CDH13: variants seen among roughly 807,000 people sequenced by gnomAD.
CDH13 encodes cadherin 13, also known as cadherin-13.
Under a neutral mutation model 63.8 loss-of-function variants are expected in CDH13, and 24 were observed. The ratio of observed to expected loss-of-function variants is 0.38; its 90% confidence interval spans 0.27 to 0.53. The LOEUF (loss-of-function observed/expected upper bound fraction) is 0.53. CDH13 is among the 20% of genes least tolerant of loss of function. The pLI is 0.85. For missense variants in CDH13, 1,049 were observed against 903.1 expected, an observed-to-expected ratio of 1.16 and a Z score of -2.07; for synonymous variants, 503 against 355.3, an observed-to-expected ratio of 1.42 and a Z score of -4.67.
chr16:82,900,469 C>T (rs758159680), intron 2 of CDH13, among the ~76,000 whole-genome samples: 2 of 152,138 alleles, frequency 1.3e-5, no homozygotes, highest in Admixed American at 6.5e-5. Context: ...TAAATTCTAT[C>T]AAAAAGCTCA....
At chr16:83,286,433 G>A (rs2089314712) in intron 5 of CDH13, among the ~76,000 whole-genome samples, 1 of 152,140 alleles carries the variant, frequency 6.6e-6, no homozygotes, top group Admixed American at 6.5e-5. Context: ...CTTTACAGAT[G>A]TACAAATTTG....
chr16:83,198,730 C>T (rs2038945760), intron 4 of CDH13, among the ~76,000 whole-genome samples: 3 of 152,138 alleles, frequency 2.0e-5, no homozygotes, highest in African/African-American at 7.2e-5. Flanking sequence ...TGTATGGGAA[C>T]AGGCTCAGAA....
At chr16:82,710,653 T>C (rs1364791640) in intron 1 of CDH13, among the ~76,000 whole-genome samples, 1 of 145,046 alleles carries the variant, frequency 6.9e-6, no homozygotes, top group East Asian at 2.0e-4. Context: ...ATAATCATTT[T>C]ATTTGATTTA....
intron 5 of CDH13, among the ~76,000 whole-genome samples, chr16:83,244,497 A>C (rs1904788625): frequency 6.6e-6 from 1 of 152,132 alleles, no homozygotes; most frequent in Non-Finnish European, 1.5e-5. Context: ...TACATTCTCT[A>C]AGTCTGTGCC....
intron 3 of CDH13, among the ~76,000 whole-genome samples, chr16:83,086,037 C>T (rs1343325891): frequency 6.6e-6 from 1 of 152,164 alleles, no homozygotes; most frequent in African/African-American, 2.4e-5. Context: ...GGTGTACTGG[C>T]TGCTCCAATT....
chr16:83,580,828 T>C (rs1412706528), intron 7 of CDH13, among the ~76,000 whole-genome samples: 4 of 152,122 alleles, frequency 2.6e-5, no homozygotes, highest in African/African-American at 9.7e-5. Context: ...TTACTTCTTT[T>C]ATTTGTTCTT....
At chr16:82,685,869 A>C (rs1317554102) in intron 1 of CDH13, among the ~76,000 whole-genome samples, 2 of 152,214 alleles carry the variant, frequency 1.3e-5, no homozygotes, top group Admixed American at 6.5e-5. Context: ...AAGCAGAGAC[A>C]GTCCTCTTTT....
intron 8 of CDH13, among the ~76,000 whole-genome samples, chr16:83,649,992 G>A (rs933794622): frequency 6.6e-6 from 1 of 152,176 alleles, no homozygotes; most frequent in African/African-American, 2.4e-5. Context: ...GTCTGAACAC[G>A]TTCTAATTGG....
At chr16:83,190,082 A>G (rs997397128) in intron 4 of CDH13, among the ~76,000 whole-genome samples, 1 of 152,304 alleles carries the variant, frequency 6.6e-6, no homozygotes, top group African/African-American at 2.4e-5. Flanking sequence ...AGTCTTGGGT[A>G]TGTCTTTATT....
At chr16:83,294,203 C>T (rs1417221915) in intron 5 of CDH13, among the ~76,000 whole-genome samples, 1 of 152,032 alleles carries the variant, frequency 6.6e-6, no homozygotes, top group African/African-American at 2.4e-5. Flanking sequence ...AGCTAATGAA[C>T]ATATGCATTA....
At chr16:82,851,977 C>T (rs368458001) in intron 1 of CDH13, among the ~76,000 whole-genome samples, 1 of 152,146 alleles carries the variant, frequency 6.6e-6, no homozygotes, top group African/African-American at 2.4e-5. Context: ...TCAACCAACA[C>T]TAATGACAAG....
chr16:83,660,100 T>C (rs1227930475), intron 8 of CDH13, among the ~76,000 whole-genome samples: 1 of 152,118 alleles, frequency 6.6e-6, no homozygotes, highest in African/African-American at 2.4e-5. Context: ...CCACAACCTT[T>C]TTGGCACCAG....
intron 7 of CDH13, among the ~76,000 whole-genome samples, chr16:83,577,888 T>A (rs1905199893): frequency 6.6e-6 from 1 of 152,220 alleles, no homozygotes; most frequent in South Asian, 2.1e-4. Flanking sequence ...ATAATTGCTG[T>A]TAATATCTTG....
In CDH13 at chr16:82,771,064, C is replaced by A. The variant is rs763460308; in HGVS notation, c.46-87298C>A. Among the ~76,000 whole-genome samples, 6 of 152,284 alleles carry A rather than the reference C, an allele frequency of 3.9e-5. No individual in the cohort carries two copies. In the East Asian group the frequency reaches 9.6e-4, roughly 24 times the overall value. ...ATATTTTTAAAAAATTAAGTTGTGA[C>A]TTTAGCGTGAATTGAAATTTGTTTG... On this transcript the variant is annotated intron_variant, in intron 1 of 13. Transcript: ENST00000567109.
At chr16:83,513,056 G>A (rs1260103060) in intron 7 of CDH13, among the ~76,000 whole-genome samples, 1 of 152,000 alleles carries the variant, frequency 6.6e-6, no homozygotes, top group East Asian at 1.9e-4. Context: ...GTGTCTTTGG[G>A]TTGAATCTCA....
At chr16:83,392,863 G>A (rs375916990) in intron 6 of CDH13, among the ~76,000 whole-genome samples, 1 of 151,964 alleles carries the variant, frequency 6.6e-6, no homozygotes, top group African/African-American at 2.4e-5. Context: ...GAAGGAGGTG[G>A]GCCTGAGCCG....
chr16:82,752,665 C>T lies in CDH13; in HGVS notation c.46-105697C>T, dbSNP rs185717445. On this transcript the variant is annotated intron_variant, in intron 1 of 13. Coordinates refer to ENST00000567109, the MANE Select transcript of CDH13 (RefSeq NM_001257.5). Reference sequence around the variant, plus strand: ...GGGAATTCCTGGGAGGATGCAGGAGCAGGAAATTGAGCCAGTCGTTCCAAA... The same window carrying T: ...GGGAATTCCTGGGAGGATGCAGGAGTAGGAAATTGAGCCAGTCGTTCCAAA... Among the ~76,000 whole-genome samples, 280 of 152,336 alleles carry T rather than the reference C, an allele frequency of 1.8e-3. 1 individual carries two copies. The highest frequency in any genetic ancestry group is 3.4e-3 in the Middle Eastern group (1 of 294).
chr16:83,397,633 A>G (rs2091907770), intron 6 of CDH13: 1 of 152,208 alleles, frequency 6.6e-6, no homozygotes, highest in South Asian at 2.1e-4. Context: ...TTAGAGATAC[A>G]TTTGTAGCTT....
intron 6 of CDH13, among the ~76,000 whole-genome samples, chr16:83,371,579 G>A (rs1233634454): frequency 1.3e-5 from 2 of 152,170 alleles, no homozygotes; most frequent in Non-Finnish European, 2.9e-5. Flanking sequence ...GTACAACTAA[G>A]CAATACCTGG....
Sources: gnomAD v4.1 joint callset for allele counts (sites outside exome capture counted in the v4.1 genomes callset) on GRCh38, gnomAD v4.1.1 for gene constraint, MANE v1.5 for transcripts, NCBI Gene and HGNC (gene_info 2026-07-23, HGNC 2026-07-21) for gene names.